Variants in DSCAML1 observed in about 807,000 individuals in gnomAD.
DSCAML1 encodes the protein cell adhesion molecule DSCAML1.
Under a neutral mutation model 200.5 loss-of-function variants are expected in DSCAML1, and 38 were observed. That is an observed-to-expected ratio of 0.19 (90% CI 0.15 to 0.25). The LOEUF (loss-of-function observed/expected upper bound fraction) is 0.25, where lower values mean the gene tolerates loss of function less well. Ranked by LOEUF, DSCAML1 falls within the 10% of genes least tolerant of loss-of-function variation. The pLI is 1.00. For missense variants in DSCAML1, 2,223 were observed against 2,858.8 expected (o/e 0.78, Z 5.07); for synonymous variants, 1,215 against 1,165.0 (o/e 1.04, Z -0.87).
intron 3 of DSCAML1, among the ~76,000 whole-genome samples, chr11:117,575,187 A>G (rs2137445642): frequency 6.6e-6 from 1 of 152,290 alleles, no homozygotes; most frequent in African/African-American, 2.4e-5. Context: ...GTGAAACTCC[A>G]TTTCAAAAAT....
chr11:117,628,156 C>T (rs2052095909), intron 3 of DSCAML1, among the ~76,000 whole-genome samples: 1 of 152,224 alleles, frequency 6.6e-6, no homozygotes, highest in Non-Finnish European at 1.5e-5. Context: ...CAAGGTGATA[C>T]TGCTGGGTCG....
chr11:117,430,589 C>T, intron 32 of DSCAML1, 133 bp downstream of exon 32: 2 of 1,032,998 alleles, frequency 1.9e-6, no homozygotes, highest in Non-Finnish European at 2.7e-6. Context: ...CTGTTGGTAC[C>T]ACCCTGCACT....
intron 3 of DSCAML1, among the ~76,000 whole-genome samples, chr11:117,580,367 G>C (rs2051017457): frequency 6.6e-6 from 1 of 152,196 alleles, no homozygotes; most frequent in South Asian, 2.1e-4. Flanking sequence ...GGGGCAATCT[G>C]GTAGAGCGAG....
chr11:117,691,582 C>T (rs1049672627), intron 3 of DSCAML1, among the ~76,000 whole-genome samples: 1 of 152,094 alleles, frequency 6.6e-6, no homozygotes, highest in African/African-American at 2.4e-5. Flanking sequence ...CCGGGGCTAC[C>T]GAAAGGCAAT....
chr11:117,547,388 T>C (rs542048590), intron 3 of DSCAML1, among the ~76,000 whole-genome samples: 14 of 152,296 alleles, frequency 9.2e-5, no homozygotes, highest in African/African-American at 1.2e-4. Context: ...CTTGTGTGCC[T>C]GGGCCTTGGG....
chr11:117,506,646 C>T (rs894256808), intron 8 of DSCAML1, among the ~76,000 whole-genome samples: 8 of 148,978 alleles, frequency 5.4e-5, no homozygotes, highest in Non-Finnish European at 1.2e-4. Flanking sequence ...AGCCTGGGCT[C>T]GAGTGATCCT....
chr11:117,740,027 A>G (rs2054393255), intron 3 of DSCAML1, among the ~76,000 whole-genome samples: 1 of 152,180 alleles, frequency 6.6e-6, no homozygotes, highest in Non-Finnish European at 1.5e-5. Flanking sequence ...AGAGGAACCA[A>G]TGGGTAGAGA....
chr11:117,474,977 G>A (rs990958235), intron 14 of DSCAML1, among the ~76,000 whole-genome samples: 8 of 151,948 alleles, frequency 5.3e-5, no homozygotes, highest in Middle Eastern at 3.2e-3. Context: ...GGATGGTCTC[G>A]ATCTCCTGAC....
intron 3 of DSCAML1, among the ~76,000 whole-genome samples, chr11:117,576,106 A>G (rs1039767551): frequency 2.6e-5 from 4 of 152,134 alleles, no homozygotes; most frequent in African/African-American, 9.7e-5. Flanking sequence ...TGGGCTCTGA[A>G]GAATCCCATC....
chr11:117,507,066 A>C (rs941537563), intron 8 of DSCAML1, among the ~76,000 whole-genome samples: 8 of 151,104 alleles, frequency 5.3e-5, no homozygotes, highest in African/African-American at 1.9e-4. Flanking sequence ...TCGATGTGAG[A>C]TGGATCCTCC....
At chr11:117,663,180 C>T (rs207472402) in intron 3 of DSCAML1, among the ~76,000 whole-genome samples, 3 of 152,186 alleles carry the variant, frequency 2.0e-5, no homozygotes, top group Admixed American at 6.5e-5. Context: ...AGCCAGCCTT[C>T]GATATCCTTG....
rs534556104 is a variant in DSCAML1, at chr11:117,756,865, C to T, written c.511+19926G>A. ...GGAAAGACTTTGACACAACAGGGCA[C>T]GCTCAGCGGTGGCTCCCTGGATGAA... is the stretch of plus-strand genomic sequence containing the variant. On this transcript the variant is annotated intron_variant, in intron 3 of 32. Transcript: ENST00000651296. 9.8e-5 allele frequency among the ~76,000 whole-genome samples: 15 copies of T among 152,290 alleles called. 1 individual carries two copies. Among genetic ancestry groups the T allele is most frequent in the Middle Eastern group, 6.8e-3 (2 of 294 alleles).
intron 3 of DSCAML1, among the ~76,000 whole-genome samples, chr11:117,728,485 G>A (rs2054169253): frequency 6.6e-6 from 1 of 152,076 alleles, no homozygotes; most frequent in African/African-American, 2.4e-5. Flanking sequence ...TGAAAAGGAA[G>A]AAGTAAAACT....
At chr11:117,577,507 CTCCTTCCT>C (rs766326528) in intron 3 of DSCAML1, among the ~76,000 whole-genome samples, 3 of 32,428 alleles carry the variant, frequency 9.3e-5, no homozygotes, top group Non-Finnish European at 2.1e-4. Context: ...CCTTCCTTCC[CTCCTTCCT>C]TCCTTCCTTC....
intron 3 of DSCAML1, among the ~76,000 whole-genome samples, chr11:117,625,050 C>G (rs2052015574): frequency 6.6e-6 from 1 of 152,072 alleles, no homozygotes; most frequent in African/African-American, 2.4e-5. Context: ...TTAAGAGACC[C>G]CCAGGTGATT....
At chr11:117,765,970 C>T (rs968880058) in intron 3 of DSCAML1, among the ~76,000 whole-genome samples, 2 of 152,186 alleles carry the variant, frequency 1.3e-5, no homozygotes, top group Non-Finnish European at 2.9e-5. Flanking sequence ...CCAGCAACCA[C>T]GGAAACAGGT....
At chr11:117,762,793 G>A (rs1025622954) in intron 3 of DSCAML1, among the ~76,000 whole-genome samples, 2 of 151,880 alleles carry the variant, frequency 1.3e-5, no homozygotes, top group Non-Finnish European at 2.9e-5. Flanking sequence ...AACCCATGAG[G>A]TGGAGGTTGC....
intron 2 of DSCAML1, among the ~76,000 whole-genome samples, chr11:117,778,880 A>C (rs2134049638): frequency 6.6e-6 from 1 of 152,354 alleles, no homozygotes; most frequent in African/African-American, 2.4e-5. Context: ...GCTCCTAAAA[A>C]GAGTCCATGG....
Position 117,458,914 on chromosome 11 carries a change from C to T in DSCAML1, c.3413-5G>A, listed in dbSNP as rs117043085. 9.7e-3 allele frequency: 15,683 copies of T among 1,612,284 alleles called. 103 individuals carry two copies. The highest frequency in any genetic ancestry group is 0.012 in the Non-Finnish European group (13,686 of 1,179,458). ...TGTTCTGCATCTCGCCCCACTCTGC[C>T]AGAGACCAGCAAACTCTGAGGACCC... is the stretch of plus-strand genomic sequence containing the variant. On this transcript the variant is annotated splice_region_variant and splice_polypyrimidine_tract_variant and intron_variant, in intron 18 of 32. Coordinates refer to ENST00000651296, the MANE Select transcript of DSCAML1 (RefSeq NM_020693.4).
Sources: gnomAD v4.1 joint callset for allele counts (sites outside exome capture counted in the v4.1 genomes callset) on GRCh38, gnomAD v4.1.1 for gene constraint, MANE v1.5 for transcripts, NCBI Gene and HGNC (gene_info 2026-07-23, HGNC 2026-07-21) for gene names.